The following SNTG1 variants were observed in gnomAD, a reference collection of about 807,000 sequenced individuals.
SNTG1 encodes the protein syntrophin gamma 1, also known as gamma-1-syntrophin.
Under a neutral mutation model 74.7 loss-of-function variants are expected in SNTG1, and 39 were observed. The ratio of observed to expected loss-of-function variants is 0.52; its 90% CI spans 0.40 to 0.68. The LOEUF is 0.68. SNTG1 is among the 30% of genes least tolerant of loss of function. The pLI, the probability that SNTG1 is intolerant of heterozygous loss-of-function variation, is 0.00. For synonymous variants in SNTG1, 254 were observed against 217.1 expected, an observed-to-expected ratio of 1.17 and a Z score of -1.49; for missense variants, 685 against 609.5, an observed-to-expected ratio of 1.12 and a Z score of -1.30.
At chr8:50,333,381 T>C (rs960340547) in intron 2 of SNTG1, among the ~76,000 whole-genome samples, 1 of 152,264 alleles carries the variant, frequency 6.6e-6, no homozygotes, top group Non-Finnish European at 1.5e-5. Context: ...TTTTGAAATA[T>C]ATGTGTTTTA....
chr8:50,742,943 G>A (rs78174258), intron 17 of SNTG1, among the ~76,000 whole-genome samples: 2,308 of 151,780 alleles, frequency 0.015, 50 homozygotes, highest in African/African-American at 0.052. Flanking sequence ...ATAAATTCCT[G>A]GAAATATACA....
intron 17 of SNTG1, among the ~76,000 whole-genome samples, chr8:50,748,295 A>G (rs1330581133): frequency 1.3e-5 from 2 of 152,020 alleles, no homozygotes; most frequent in African/African-American, 4.8e-5. Flanking sequence ...TCTCAGTGTC[A>G]GTGTGAGATA....
chr8:49,942,672 A>C (rs1448433421), intron 1 of SNTG1, among the ~76,000 whole-genome samples: 1 of 152,116 alleles, frequency 6.6e-6, no homozygotes, highest in African/African-American at 2.4e-5. Context: ...TAATTGTCAG[A>C]TATTCTATGG....
chr8:49,970,574 G>A (rs1811569282), intron 1 of SNTG1, among the ~76,000 whole-genome samples: 1 of 152,160 alleles, frequency 6.6e-6, no homozygotes, highest in African/African-American at 2.4e-5. Flanking sequence ...TTCCTCCCTT[G>A]GAATCCAAAT....
intron 1 of SNTG1, among the ~76,000 whole-genome samples, chr8:50,042,088 G>C (rs1372945451): frequency 2.0e-5 from 3 of 152,120 alleles, no homozygotes; most frequent in Non-Finnish European, 4.4e-5. Context: ...TGGTATATTG[G>C]GGACTGTTTG....
chr8:50,614,423 T>A (rs1210773558), intron 13 of SNTG1, among the ~76,000 whole-genome samples: 1 of 152,088 alleles, frequency 6.6e-6, no homozygotes, highest in East Asian at 1.9e-4. Context: ...GATCATTTTA[T>A]TTTACCATCT....
chr8:50,202,941 T>C lies in SNTG1; in HGVS notation c.-28+30306T>C, dbSNP rs543503513. Among the ~76,000 whole-genome samples the C allele has an allele frequency of 2.2e-4, 33 of 152,196 alleles. No individual in the cohort carries two copies. The East Asian group carries it at 5.4e-3, about 25-fold the overall frequency. Reference sequence around the variant, plus strand: ...ATTTTGGAAAGATCTCAATGACTATTACTTCAAATATTTCTTGGTTTTGTC... The same window carrying C: ...ATTTTGGAAAGATCTCAATGACTATCACTTCAAATATTTCTTGGTTTTGTC... On this transcript the variant is annotated intron_variant, in intron 2 of 18. Transcript: ENST00000642720.
At chr8:50,033,343 C>T (rs899202988) in intron 1 of SNTG1, among the ~76,000 whole-genome samples, 107 of 152,154 alleles carry the variant, frequency 7.0e-4, no homozygotes, top group African/African-American at 2.4e-3. Context: ...AGGCTGGTCT[C>T]GAACTCGCAA....
intron 1 of SNTG1, among the ~76,000 whole-genome samples, chr8:50,021,478 C>A (rs1368156102): frequency 6.6e-6 from 1 of 152,134 alleles, no homozygotes; most frequent in African/African-American, 2.4e-5. Context: ...TTGATGAATT[C>A]ATTTCTCCCA....
At chr8:50,775,083 TAA>T (rs1446042051) in intron 18 of SNTG1, among the ~76,000 whole-genome samples, 11 of 151,294 alleles carry the variant, frequency 7.3e-5, no homozygotes, top group African/African-American at 9.7e-5. Flanking sequence ...GGAACAAAGA[TAA>T]AAACTTATGA....
chr8:50,077,825 T>G (rs184317539), intron 1 of SNTG1, among the ~76,000 whole-genome samples: 1 of 152,292 alleles, frequency 6.6e-6, no homozygotes, highest in Non-Finnish European at 1.5e-5. Flanking sequence ...TGTAAGCACA[T>G]GTATGCATGT....
At chr8:50,633,576 C>G (rs2095018155) in intron 13 of SNTG1, among the ~76,000 whole-genome samples, 3 of 152,158 alleles carry the variant, frequency 2.0e-5, no homozygotes, top group Non-Finnish European at 4.4e-5. Context: ...GGGCCCTCAT[C>G]CCTCCCTGCC....
At chr8:50,175,810 A>T (rs986892) in intron 2 of SNTG1, among the ~76,000 whole-genome samples, 150,970 of 152,158 alleles carry the variant, frequency 0.99, 74,898 homozygotes, top group South Asian at 1. Flanking sequence ...GTTATTTTTT[A>T]AAAAATATGG....
intron 1 of SNTG1, among the ~76,000 whole-genome samples, chr8:50,134,565 T>C (rs1269198626): frequency 6.6e-6 from 1 of 152,124 alleles, no homozygotes; most frequent in East Asian, 1.9e-4. Context: ...TCAGCAAGTA[T>C]AAACAACAAT....
At chr8:50,099,335 A>G (rs2080040699) in intron 1 of SNTG1, among the ~76,000 whole-genome samples, 1 of 152,150 alleles carries the variant, frequency 6.6e-6, no homozygotes, top group Non-Finnish European at 1.5e-5. Context: ...CCACACATGG[A>G]TACACAAACA....
At chr8:50,063,420 A>G (rs1021914515) in intron 1 of SNTG1, among the ~76,000 whole-genome samples, 1 of 152,214 alleles carries the variant, frequency 6.6e-6, no homozygotes, top group Non-Finnish European at 1.5e-5. Flanking sequence ...AGAGAATAAA[A>G]CACAAAGAAA....
chr8:50,616,127 T>C (rs1585854535), intron 13 of SNTG1, among the ~76,000 whole-genome samples: 1 of 152,338 alleles, frequency 6.6e-6, no homozygotes, highest in East Asian at 1.9e-4. Flanking sequence ...AGTCAACTGA[T>C]TGTAAATGTT....
chr8:50,733,416 G>C (rs2095517869), intron 17 of SNTG1, among the ~76,000 whole-genome samples: 1 of 151,932 alleles, frequency 6.6e-6, no homozygotes, highest in Admixed American at 6.6e-5. Context: ...CTTTTTGATA[G>C]AATGATTTAT....
At chr8:50,664,759 CG>C (rs1296549356) in intron 15 of SNTG1, among the ~76,000 whole-genome samples, 1 of 152,050 alleles carries the variant, frequency 6.6e-6, no homozygotes, top group Non-Finnish European at 1.5e-5. Flanking sequence ...GAAGATCGGA[CG>C]TAACTGCATG....
Sources: allele counts gnomAD v4.1 joint callset (sites outside exome capture counted in the v4.1 genomes callset), GRCh38; gene constraint gnomAD v4.1.1; transcripts MANE v1.5; gene names NCBI Gene and HGNC (gene_info 2026-07-23, HGNC 2026-07-21).